Variants in MAPKAPK5 observed in about 807,000 individuals in gnomAD.
MAPKAPK5 encodes the protein MAPK activated protein kinase 5.
Under a neutral mutation model 65.1 loss-of-function variants are expected in MAPKAPK5, and 30 were observed. The observed-to-expected ratio is 0.46, with a 90% CI of 0.34 to 0.63. The LOEUF is 0.63. Among genes scored for constraint, MAPKAPK5 ranks in the 20% least tolerant of loss-of-function variants. The pLI is 0.01. For synonymous variants in MAPKAPK5, 179 were observed against 204.6 expected (o/e 0.87, Z 1.07); for missense variants, 433 against 581.4 (o/e 0.74, Z 2.63).
At chr12:111,854,993 TTGAG>T (rs1842457176) in intron 1 of MAPKAPK5, among the ~76,000 whole-genome samples, 2 of 152,372 alleles carry the variant, frequency 1.3e-5, no homozygotes, top group South Asian at 4.1e-4. Context: ...CTTTTTCTTC[TTGAG>T]TGAGTTTTGG....
Position 111,883,633 on chromosome 12 carries a change from A to G in MAPKAPK5, c.713A>G (p.Tyr238Cys). ...ATTATCTATGTGATGCTGTGCGGAT[A>G]CCCTCCTTTTTACTCCAAACACCAC... ...GVIIYVMLCG[Y>C]PPFYSKHHSR... The change falls in exon 9 of 14, where the codon TAC becomes TGC. Residue 238 changes from tyrosine (Y) to cysteine (C), a missense_variant. By Grantham distance (194) the Tyr-to-Cys change is radical (BLOSUM62 -2). This residue lies in a region of MAPKAPK5 where 99 missense variants were observed against 185.8 expected (regional missense o/e 0.53). Coordinates refer to ENST00000550735, the MANE Select transcript of MAPKAPK5 (RefSeq NM_003668.4). The surrounding 1 kb of genome is among the most constrained non-coding windows in gnomAD (Gnocchi z 4.8). 1 of 1,613,812 alleles carries G rather than the reference A, an allele frequency of 6.2e-7. No individual in the cohort carries two copies. The highest frequency in any genetic ancestry group is 8.5e-7 in the Non-Finnish European group (1 of 1,179,844).
At chr12:111,858,094 G>A (rs1407934318) in intron 1 of MAPKAPK5, among the ~76,000 whole-genome samples, 4 of 151,966 alleles carry the variant, frequency 2.6e-5, no homozygotes, top group East Asian at 1.9e-4. Flanking sequence ...TTGTAGAGAC[G>A]GAGTTTTGCC....
chr12:111,886,289 C>T (rs898487008), intron 10 of MAPKAPK5, among the ~76,000 whole-genome samples: 8 of 152,132 alleles, frequency 5.3e-5, no homozygotes, highest in Non-Finnish European at 8.8e-5. Context: ...TACAGGGCTG[C>T]GGGCACAGAA....
chr12:111,876,322 C>G (rs999673648), intron 7 of MAPKAPK5, among the ~76,000 whole-genome samples: 1 of 151,086 alleles, frequency 6.6e-6, no homozygotes, highest in Non-Finnish European at 1.5e-5. Flanking sequence ...GGGTGAGGAT[C>G]AAAAAACTAC....
At chr12:111,881,340 C>T (rs2070207594) in intron 8 of MAPKAPK5, among the ~76,000 whole-genome samples, 1 of 150,888 alleles carries the variant, frequency 6.6e-6, no homozygotes, top group Admixed American at 6.6e-5. Flanking sequence ...TCCCAAAGTG[C>T]TGGGATTACA....
At position 111,883,252 on chromosome 12, in the gene MAPKAPK5, G is replaced by A. The variant is rs548902155; in HGVS notation, c.661-329G>A. On this transcript the variant is annotated intron_variant, in intron 8 of 13. Transcript: ENST00000550735. This position sits in a 1 kb window ranked among gnomAD's most constrained non-coding sequence, Gnocchi z 4.8. ...TTAGCCAGGCGGCATGGTGGCACAT[G>A]CCTGTAATCCCAGCTACTCAGGAGG... is the stretch of plus-strand genomic sequence containing the variant. 4.6e-5 allele frequency among the ~76,000 whole-genome samples: 7 copies of A among 152,238 alleles called. No homozygotes were observed. In the East Asian group the frequency reaches 1.2e-3, roughly 25 times the overall value.
At chr12:111,861,076 G>T (rs1333503355) in intron 1 of MAPKAPK5, among the ~76,000 whole-genome samples, 1 of 151,490 alleles carries the variant, frequency 6.6e-6, no homozygotes, top group Non-Finnish European at 1.5e-5. Context: ...GGAAAAGCTT[G>T]AACCCAGGAG....
rs116888411 is a variant in MAPKAPK5, at chr12:111,901,769, T to C, written c.*8708T>C. 934 of 185,634 alleles carry C rather than the reference T, an allele frequency of 5.0e-3. 8 individuals are homozygous for C. The highest frequency in any genetic ancestry group is 8.5e-3 in the Non-Finnish European group (753 of 88,390). The allele number at this position is 185,634 out of a possible 1,614,324, so 11.5% of individuals were successfully genotyped here. A position where few individuals can be genotyped will look rare whatever the true frequency, so the allele number is the denominator to read the frequency against. ...CCTCAAGTACTGAGTGGGAATGAGA[T>C]GTTTGGTGAAGTAGAAATAGATAGC... On this transcript the variant is annotated 3_prime_UTR_variant, in exon 14 of 14. Transcript: ENST00000550735.
intron 1 of MAPKAPK5, among the ~76,000 whole-genome samples, chr12:111,851,498 G>C (rs1428836324): frequency 6.6e-6 from 1 of 151,820 alleles, no homozygotes; most frequent in Non-Finnish European, 1.5e-5. Context: ...GCTAATTTTT[G>C]TATTTTTAGG....
At chr12:111,873,073 T>A (rs919631798) in intron 7 of MAPKAPK5, among the ~76,000 whole-genome samples, 6 of 152,138 alleles carry the variant, frequency 3.9e-5, no homozygotes, top group Non-Finnish European at 5.9e-5. Context: ...ATTTTTTTTT[T>A]AATGCTTAGT....
At chr12:111,882,461 G>C (rs999604268) in intron 8 of MAPKAPK5, among the ~76,000 whole-genome samples, 1 of 152,240 alleles carries the variant, frequency 6.6e-6, no homozygotes, top group African/African-American at 2.4e-5. Context: ...TGTGGTGTGA[G>C]GGGGAGTGTG....
At chr12:111,871,512 G>A (rs1016098859) in intron 7 of MAPKAPK5, among the ~76,000 whole-genome samples, 8 of 151,978 alleles carry the variant, frequency 5.3e-5, no homozygotes, top group African/African-American at 9.7e-5. Context: ...GTGTGGTGGC[G>A]CACACCTGTA....
At position 111,900,268 on chromosome 12, in the gene MAPKAPK5, C is replaced by T; in HGVS notation, c.*7207C>T. ...CACCCTGGACAGAATATGGGCCAGG[C>T]CTTTCTCAGTGGTGCCTGCTCAAGC... is the stretch of plus-strand genomic sequence containing the variant. On this transcript the variant is annotated 3_prime_UTR_variant, in exon 14 of 14. Coordinates refer to ENST00000550735, the MANE Select transcript of MAPKAPK5 (RefSeq NM_003668.4). 1 of 456,052 alleles carries T rather than the reference C, an allele frequency of 2.2e-6. No homozygotes were observed. The highest frequency in any genetic ancestry group is 4.4e-6 in the Non-Finnish European group (1 of 226,800). 28.3% of individuals were successfully genotyped at this position (456,052 alleles called of 1,614,324 possible).
At position 111,901,791 on chromosome 12, in the gene MAPKAPK5, T is replaced by C. The variant is rs909857969; in HGVS notation, c.*8730T>C. The C allele has an allele frequency of 1.7e-5, 3 of 176,812 alleles. No individual in the cohort carries two copies. The highest frequency in any genetic ancestry group is 3.6e-5 in the Non-Finnish European group (3 of 82,856). The allele number at this position is 176,812 out of a possible 1,614,324, so 11.0% of individuals were successfully genotyped here. On this transcript the variant is annotated 3_prime_UTR_variant, in exon 14 of 14. Transcript: ENST00000550735. Reference sequence around the variant, plus strand: ...AGATGTTTGGTGAAGTAGAAATAGATAGCTTTAGTGGCTCTGACTCAGATA... The same window carrying C: ...AGATGTTTGGTGAAGTAGAAATAGACAGCTTTAGTGGCTCTGACTCAGATA...
At position 111,842,540 on chromosome 12, in the gene MAPKAPK5, C is replaced by T. The variant is rs987008726; in HGVS notation, c.-194C>T. On this transcript the variant is annotated 5_prime_UTR_variant, in exon 1 of 14. Transcript: ENST00000550735. ...GCCGCCGCCTCCGCCGCTGCTGCTGCCGCCAGCCTAGAGCCGCCCGCCGAA... is the reference window on the plus strand; with the variant it reads ...GCCGCCGCCTCCGCCGCTGCTGCTGTCGCCAGCCTAGAGCCGCCCGCCGAA... 16 of 369,728 alleles carry T rather than the reference C, an allele frequency of 4.3e-5. No individual in the cohort carries two copies. The Admixed American group carries it at 5.2e-4, about 12-fold the overall frequency. The allele number at this position is 369,728 out of a possible 1,614,324, so 22.9% of individuals were successfully genotyped here.
chr12:111,891,211 A>G (rs2070593413), intron 13 of MAPKAPK5, among the ~76,000 whole-genome samples: 1 of 150,444 alleles, frequency 6.6e-6, no homozygotes, highest in Non-Finnish European at 1.5e-5. Flanking sequence ...CTCCCACCCC[A>G]GCCTCCCAAG....
intron 1 of MAPKAPK5, among the ~76,000 whole-genome samples, chr12:111,851,862 T>C (rs1465179646): frequency 6.6e-6 from 1 of 152,142 alleles, no homozygotes; most frequent in Admixed American, 6.6e-5. Context: ...AAGGAAATCA[T>C]GAAAGAGATT....
intron 3 of MAPKAPK5, 127 bp from the exon 4 acceptor site, chr12:111,867,445 G>T (rs1263440945): frequency 1.7e-6 from 1 of 603,276 alleles, no homozygotes; most frequent in Non-Finnish European, 2.9e-6. Context: ...TGAAAACACT[G>T]GGTTTTTACA....
At chr12:111,861,316 T>G (rs555052519) in intron 1 of MAPKAPK5, among the ~76,000 whole-genome samples, 1 of 149,022 alleles carries the variant, frequency 6.7e-6, no homozygotes, top group Non-Finnish European at 1.5e-5. Context: ...AGTTTTTTTG[T>G]TTTTTTTGTT....
Sources: allele counts gnomAD v4.1 joint callset (sites outside exome capture counted in the v4.1 genomes callset), GRCh38; gene constraint gnomAD v4.1.1; regional missense constraint gnomAD v4.1.1; non-coding constraint Gnocchi (gnomAD v3.1); transcripts MANE v1.5; gene names NCBI Gene and HGNC (gene_info 2026-07-23, HGNC 2026-07-21).